The following CPSF2 variants were observed in gnomAD, a reference collection of about 807,000 sequenced individuals.
CPSF2 encodes the protein cleavage and polyadenylation specificity factor subunit 2.
In CPSF2, 51 loss-of-function variants were observed where a neutral mutation model predicts 84.2. The observed-to-expected ratio is 0.61, with a 90% CI of 0.48 to 0.77. The LOEUF is 0.77. CPSF2 is among the 30% of genes least tolerant of loss of function. The pLI, the probability that CPSF2 is intolerant of heterozygous loss-of-function variation, is 0.00. For synonymous variants in CPSF2, 286 were observed against 311.9 expected (o/e 0.92, Z 0.87); for missense variants, 641 against 929.4 (o/e 0.69, Z 4.03).
chr14:92,152,227 T>G (rs934662170), intron 9 of CPSF2, among the ~76,000 whole-genome samples: 5 of 152,084 alleles, frequency 3.3e-5, no homozygotes, highest in Non-Finnish European at 5.9e-5. Context: ...CCTCCCAGGT[T>G]CAAGTGATTC....
At chr14:92,148,314 G>A (rs1049991008) in intron 9 of CPSF2, among the ~76,000 whole-genome samples, 2 of 152,062 alleles carry the variant, frequency 1.3e-5, no homozygotes, top group African/African-American at 4.8e-5. Flanking sequence ...ACCATTTGAA[G>A]AAAAATTGCA....
intron 1 of CPSF2, among the ~76,000 whole-genome samples, chr14:92,122,844 TTTTTCTTTC>T (rs1480891269): frequency 1.3e-5 from 2 of 148,512 alleles, no homozygotes; most frequent in Admixed American, 1.4e-4. Context: ...ACCCCTTTCT[TTTTTCTTTC>T]TTTTTTTTTT....
At chr14:92,150,174 T>A (rs1397175026) in intron 9 of CPSF2, among the ~76,000 whole-genome samples, 8 of 150,836 alleles carry the variant, frequency 5.3e-5, no homozygotes, top group Non-Finnish European at 1.2e-4. Context: ...GTCGCCAGGC[T>A]GGAGCGCTCG....
chr14:92,128,496 A>G lies in CPSF2; in HGVS notation c.-35+2316A>G, dbSNP rs576358066. 8.5e-5 allele frequency among the ~76,000 whole-genome samples: 13 copies of G among 152,316 alleles called. No individual in the cohort carries two copies. In the East Asian group the frequency reaches 2.5e-3, roughly 29 times the overall value. The stretch of plus-strand genomic sequence containing the variant: ...GACTCCGTCTCAAAAAAAAGCAAAT[A>G]GCACAGCTGTAATTCTCCTCCATAT... On this transcript the variant is annotated intron_variant, in intron 2 of 15. Coordinates refer to ENST00000298875, the MANE Select transcript of CPSF2 (RefSeq NM_017437.3).
chr14:92,145,503 A>G (rs1214062914), intron 9 of CPSF2, among the ~76,000 whole-genome samples: 1 of 152,244 alleles, frequency 6.6e-6, no homozygotes, highest in African/African-American at 2.4e-5. Flanking sequence ...TCATAACATC[A>G]GTAACTAAAA....
intron 7 of CPSF2, among the ~76,000 whole-genome samples, chr14:92,139,485 G>C (rs2069045450): frequency 6.6e-6 from 1 of 150,910 alleles, no homozygotes; most frequent in Non-Finnish European, 1.5e-5. Context: ...CACTAATTTT[G>C]GGTGTTTTAC....
At position 92,161,227 on chromosome 14, in the gene CPSF2, A is replaced by G; in HGVS notation, c.2237A>G (p.Asn746Ser). 1 of 1,612,562 alleles carries G rather than the reference A, an allele frequency of 6.2e-7. No homozygotes were observed. Among genetic ancestry groups the G allele is most frequent in the South Asian group, 1.1e-5 (1 of 90,816 alleles). ...EFVGGVLVCN[N>S]QVAVRRTETG... ...GTAGGAGGTGTACTTGTTTGCAACA[A>G]TCAAGTAGCAGTCCGCAGAGTAAGT... is the stretch of plus-strand genomic sequence containing the variant. Residue 746 changes from asparagine (N) to serine (S), a missense_variant, in exon 15 of 16, where the codon AAT becomes AGT. Coordinates refer to ENST00000298875, the MANE Select transcript of CPSF2 (RefSeq NM_017437.3).
intron 2 of CPSF2, among the ~76,000 whole-genome samples, chr14:92,126,932 T>C (rs1176545576): frequency 6.6e-6 from 1 of 152,174 alleles, no homozygotes; most frequent in Non-Finnish European, 1.5e-5. Context: ...ACTCCTGTAC[T>C]CAGAGAGCTC....
chr14:92,159,342 T>C lies in CPSF2; in HGVS notation c.2121+60T>C. 2.8e-6 allele frequency: 4 copies of C among 1,428,908 alleles called. No individual in the cohort carries two copies. In the South Asian group the frequency reaches 5.6e-5, roughly 20 times the overall value. 88.5% of individuals were successfully genotyped at this position (1,428,908 alleles called of 1,614,324 possible). A position where few individuals can be genotyped will look rare whatever the true frequency, so the allele number is the denominator to read the frequency against. Reference sequence around the variant, plus strand: ...GAATTTGTCATCCTTCTAGTTTTCATGTCTTTTGGTTTTTTTCCCCCCTTC... The same window carrying C: ...GAATTTGTCATCCTTCTAGTTTTCACGTCTTTTGGTTTTTTTCCCCCCTTC... On this transcript the variant is annotated intron_variant, in intron 14 of 15. Transcript: ENST00000298875.
In CPSF2 at chr14:92,159,953, GT is replaced by G. The variant is rs35509016; in HGVS notation, c.2121+681del. 2.1e-4 allele frequency among the ~76,000 whole-genome samples: 31 copies of G among 148,190 alleles called. No homozygotes were observed. In the South Asian group the frequency reaches 3.8e-3, roughly 18 times the overall value. ...TATAGTTTTCTAAGAAAGTCATACT[GT>G]TTTTTTTTTGTTTTGTTTTGTTTTT... On this transcript the variant is annotated intron_variant, in intron 14 of 15. Coordinates refer to ENST00000298875, the MANE Select transcript of CPSF2 (RefSeq NM_017437.3).
chr14:92,163,270 C>T lies in CPSF2; in HGVS notation c.*1526C>T, dbSNP rs1004930742. ...TGTGGAACAACCCAGTAATATCAGACTCGAATTACTATTTCATTCTATTTC... is the reference window on the plus strand; with the variant it reads ...TGTGGAACAACCCAGTAATATCAGATTCGAATTACTATTTCATTCTATTTC... On this transcript the variant is annotated 3_prime_UTR_variant, in exon 16 of 16. Coordinates refer to ENST00000298875, the MANE Select transcript of CPSF2 (RefSeq NM_017437.3). The T allele has an allele frequency of 1.3e-5, 2 of 152,254 alleles. No individual in the cohort carries two copies. Among genetic ancestry groups the T allele is most frequent in the African/African-American group, 4.8e-5 (2 of 41,412 alleles). The allele number at this position is 152,254 out of a possible 1,614,324, so 9.4% of individuals were successfully genotyped here. A position where few individuals can be genotyped will look rare whatever the true frequency, so the allele number is the denominator to read the frequency against.
chr14:92,160,139 T>C (rs895884141), intron 14 of CPSF2, among the ~76,000 whole-genome samples: 37 of 152,148 alleles, frequency 2.4e-4, no homozygotes, highest in Non-Finnish European at 5.3e-4. Flanking sequence ...GTTTTTGTAC[T>C]TTTAGTAGAA....
Position 92,162,002 on chromosome 14 carries a change from A to C in CPSF2, c.*258A>C. The C allele has an allele frequency of 3.6e-6, 1 of 276,350 alleles. No individual in the cohort carries two copies. The highest frequency in any genetic ancestry group is 6.7e-6 in the Non-Finnish European group (1 of 149,714). The allele number at this position is 276,350 out of a possible 1,614,324, so 17.1% of individuals were successfully genotyped here. A position where few individuals can be genotyped will look rare whatever the true frequency, so the allele number is the denominator to read the frequency against. ...GAGTTGAAGGTGATTGGTTTTCTTT[A>C]CAGACTCCTTGTTCTCTAGAAGGGC... is the stretch of plus-strand genomic sequence containing the variant. On this transcript the variant is annotated 3_prime_UTR_variant, in exon 16 of 16. Coordinates refer to ENST00000298875, the MANE Select transcript of CPSF2 (RefSeq NM_017437.3).
chr14:92,143,427 G>A (rs2069104828), intron 9 of CPSF2, 133 bp downstream of exon 9: 1 of 700,116 alleles, frequency 1.4e-6, no homozygotes, highest in Non-Finnish European at 2.3e-6. Flanking sequence ...TTGAGAGCCA[G>A]GAGTGGTGGT....
At chr14:92,155,560 G>A (rs12894289) in intron 11 of CPSF2, among the ~76,000 whole-genome samples, 24,812 of 152,122 alleles carry the variant, frequency 0.16, 2,270 homozygotes, top group East Asian at 0.4. Flanking sequence ...ACTTAGTTGT[G>A]TAAAGGTTTA....
intron 1 of CPSF2, among the ~76,000 whole-genome samples, chr14:92,124,813 G>T (rs2068825253): frequency 6.6e-6 from 1 of 152,052 alleles, no homozygotes; most frequent in Non-Finnish European, 1.5e-5. Flanking sequence ...GGTTCTATTG[G>T]GTTAAATAAA....
chr14:92,140,146 G>T (rs975361275), intron 7 of CPSF2, among the ~76,000 whole-genome samples: 17 of 151,590 alleles, frequency 1.1e-4, no homozygotes, highest in African/African-American at 3.9e-4. Context: ...TAGAGACGGG[G>T]TTTCACCATG....
chr14:92,151,459 AACAG>A (rs2069216258), intron 9 of CPSF2, among the ~76,000 whole-genome samples: 2 of 106,730 alleles, frequency 1.9e-5, no homozygotes, highest in Admixed American at 1.1e-4. Context: ...AAATTAACAC[AACAG>A]AGTATAAAAA....
chr14:92,160,094 C>T (rs990149058), intron 14 of CPSF2, among the ~76,000 whole-genome samples: 150 of 152,284 alleles, frequency 9.9e-4, no homozygotes, highest in African/African-American at 3.5e-3. Flanking sequence ...TCCCAAGTAG[C>T]TGGGATTACA....
Sources: allele counts gnomAD v4.1 joint callset (sites outside exome capture counted in the v4.1 genomes callset), GRCh38; gene constraint gnomAD v4.1.1; transcripts MANE v1.5; gene names NCBI Gene and HGNC (gene_info 2026-07-23, HGNC 2026-07-21).